Variants in GHR observed in about 807,000 individuals in gnomAD.
GHR encodes the protein GH receptor.
In GHR, 35 loss-of-function variants were observed where a neutral mutation model predicts 67.1. The observed-to-expected ratio is 0.52, with a 90% confidence interval of 0.40 to 0.69. The LOEUF (loss-of-function observed/expected upper bound fraction) is 0.69, where lower values mean the gene tolerates loss of function less well. Ranked by LOEUF, GHR falls within the 30% of genes least tolerant of loss-of-function variation. GHR has a pLI of 0.00. For missense variants in GHR, 792 were observed against 764.6 expected (o/e 1.04, Z -0.42); for synonymous variants, 272 against 269.1 (o/e 1.01, Z -0.10).
intron 1 of GHR, among the ~76,000 whole-genome samples, chr5:42,527,061 T>C (rs1747735796): frequency 6.6e-6 from 1 of 152,180 alleles, no homozygotes; most frequent in African/African-American, 2.4e-5. Context: ...ACCTCCCTTA[T>C]AAGAGATCTT....
At chr5:42,505,983 T>C (rs1014571815) in intron 1 of GHR, among the ~76,000 whole-genome samples, 2 of 152,172 alleles carry the variant, frequency 1.3e-5, no homozygotes, top group African/African-American at 2.4e-5. Flanking sequence ...AACCAAAATG[T>C]ATTGAATAAG....
intron 1 of GHR, among the ~76,000 whole-genome samples, chr5:42,460,432 A>G (rs906479768): frequency 1.3e-5 from 2 of 152,186 alleles, no homozygotes; most frequent in African/African-American, 2.4e-5. Flanking sequence ...AACTTGCCGC[A>G]TGCTTTTGCT....
chr5:42,429,317 A>G (rs1309814645), intron 1 of GHR, among the ~76,000 whole-genome samples: 2 of 152,166 alleles, frequency 1.3e-5, no homozygotes, highest in South Asian at 2.1e-4. Context: ...TCTTGGTTCA[A>G]TGACCTCCCA....
chr5:42,652,482 A>C (rs945193091), intron 3 of GHR, among the ~76,000 whole-genome samples: 11 of 152,172 alleles, frequency 7.2e-5, no homozygotes, highest in Non-Finnish European at 1.6e-4. Context: ...AGAAACCAAG[A>C]TGTTTTATTT....
chr5:42,441,856 T>C (rs1168880131), intron 1 of GHR, among the ~76,000 whole-genome samples: 6 of 151,978 alleles, frequency 3.9e-5, no homozygotes, highest in African/African-American at 1.5e-4. Context: ...ATTTGAACAA[T>C]AATGGGGAAG....
At chr5:42,570,542 T>C (rs943102971) in intron 2 of GHR, among the ~76,000 whole-genome samples, 7 of 152,236 alleles carry the variant, frequency 4.6e-5, no homozygotes, top group Non-Finnish European at 8.8e-5. Flanking sequence ...CAATTTTGCA[T>C]GCATGCATTT....
At chr5:42,598,861 A>G (rs1476004910) in intron 2 of GHR, among the ~76,000 whole-genome samples, 2 of 152,226 alleles carry the variant, frequency 1.3e-5, no homozygotes, top group Non-Finnish European at 2.9e-5. Flanking sequence ...TTTTAAAACC[A>G]TTCTTTTAAA....
rs1372080793 is a variant in GHR, at chr5:42,668,001, CGTG to C, written c.137-20888_137-20886del. ...AGCTACTTCTCTATCTGCTTATGTA[CGTG>C]AGTTATTTCCTCTACTGGATTACGA... On this transcript the variant is annotated intron_variant, in intron 3 of 9. Transcript: ENST00000230882. 3.7e-3 allele frequency among the ~76,000 whole-genome samples: 565 copies of C among 152,232 alleles called. 2 individuals are homozygous for C. The highest frequency in any genetic ancestry group is 0.013 in the African/African-American group (549 of 41,542).
At chr5:42,527,067 A>T (rs1747735918) in intron 1 of GHR, among the ~76,000 whole-genome samples, 1 of 152,168 alleles carries the variant, frequency 6.6e-6, no homozygotes, top group Non-Finnish European at 1.5e-5. Flanking sequence ...CTTATAAGAG[A>T]TCTTGAAAGG....
At chr5:42,425,007 C>T in intron 1 of GHR, 1 of 985,216 alleles carries the variant, frequency 1.0e-6, no homozygotes, top group Non-Finnish European at 1.2e-6. Context: ...TCTGTTTGTG[C>T]CGCCAGGAGA....
intron 2 of GHR, among the ~76,000 whole-genome samples, chr5:42,575,343 T>A (rs1213403257): frequency 1.3e-5 from 2 of 152,176 alleles, no homozygotes; most frequent in African/African-American, 4.8e-5. Flanking sequence ...AATTGTGTGA[T>A]TTTTTTAAGG....
chr5:42,523,915 T>G (rs1747585565), intron 1 of GHR, among the ~76,000 whole-genome samples: 1 of 152,118 alleles, frequency 6.6e-6, no homozygotes, highest in Non-Finnish European at 1.5e-5. Context: ...TCTTCCTCAT[T>G]TTTCTCTTGC....
chr5:42,603,529 CT>C (rs1290072505), intron 2 of GHR, among the ~76,000 whole-genome samples: 1 of 152,024 alleles, frequency 6.6e-6, no homozygotes, highest in Non-Finnish European at 1.5e-5. Flanking sequence ...ATCTTTACTT[CT>C]CTTCATTCTT....
At chr5:42,585,487 A>G (rs1404219365) in intron 2 of GHR, among the ~76,000 whole-genome samples, 2 of 152,236 alleles carry the variant, frequency 1.3e-5, no homozygotes, top group Non-Finnish European at 2.9e-5. Context: ...CTGCTATCCA[A>G]TCTCCACACC....
chr5:42,514,435 C>G, intron 1 of GHR: 1 of 450,352 alleles, frequency 2.2e-6, no homozygotes, highest in South Asian at 9.2e-5. Context: ...TTCAAACTCC[C>G]AGCTATCTAT....
chr5:42,504,757 CAAAAT>C (rs924287403), intron 1 of GHR, among the ~76,000 whole-genome samples: 6 of 151,918 alleles, frequency 3.9e-5, no homozygotes, highest in African/African-American at 9.7e-5. Flanking sequence ...GATTCCGTCT[CAAAAT>C]AAAATAAAAT....
At chr5:42,446,159 C>G (rs1232756983) in intron 1 of GHR, among the ~76,000 whole-genome samples, 2 of 152,100 alleles carry the variant, frequency 1.3e-5, no homozygotes, top group African/African-American at 2.4e-5. Flanking sequence ...ACTTTAGGAG[C>G]ACAAAGTGTA....
At chr5:42,513,848 A>G (rs1747128561) in intron 1 of GHR, among the ~76,000 whole-genome samples, 1 of 151,714 alleles carries the variant, frequency 6.6e-6, no homozygotes, top group Non-Finnish European at 1.5e-5. Context: ...ATTATCTGTG[A>G]TGTTAGCTCA....
chr5:42,523,932 C>CA (rs1159153294), intron 1 of GHR, among the ~76,000 whole-genome samples: 1 of 152,112 alleles, frequency 6.6e-6, no homozygotes, highest in Non-Finnish European at 1.5e-5. Flanking sequence ...TTGCCACCAC[C>CA]ATGTAAAAAG....
Sources: gnomAD v4.1 joint callset for allele counts (sites outside exome capture counted in the v4.1 genomes callset) on GRCh38, gnomAD v4.1.1 for gene constraint, MANE v1.5 for transcripts, NCBI Gene and HGNC (gene_info 2026-07-23, HGNC 2026-07-21) for gene names.